Variants in LPP observed in about 807,000 individuals in gnomAD.
LPP encodes LIM domain containing preferred translocation partner in lipoma.
In LPP, 38 loss-of-function variants were observed where a neutral mutation model predicts 60.4. The observed-to-expected ratio is 0.63, with a 90% confidence interval of 0.49 to 0.83. The LOEUF (loss-of-function observed/expected upper bound fraction) is 0.83. Ranked by LOEUF, LPP falls within the 40% of genes least tolerant of loss-of-function variation. The pLI is 0.00. For missense variants in LPP, 902 were observed against 783.6 expected, an observed-to-expected ratio of 1.15 and a Z score of -1.80; for synonymous variants, 328 against 290.8, an observed-to-expected ratio of 1.13 and a Z score of -1.30.
chr3:188,842,120 C>T (rs926578096), intron 9 of LPP, among the ~76,000 whole-genome samples: 2 of 152,130 alleles, frequency 1.3e-5, no homozygotes, highest in African/African-American at 4.8e-5. Context: ...TTTACATTCC[C>T]ACCACCAGTG....
At chr3:188,832,463 T>C (rs1337596342) in intron 9 of LPP, among the ~76,000 whole-genome samples, 2 of 152,168 alleles carry the variant, frequency 1.3e-5, no homozygotes, top group East Asian at 3.9e-4. Context: ...AGCTGACACT[T>C]TGATTGCAGC....
At chr3:188,318,667 C>T (rs1006992302) in intron 2 of LPP, among the ~76,000 whole-genome samples, 3 of 150,034 alleles carry the variant, frequency 2.0e-5, no homozygotes, top group African/African-American at 4.9e-5. Context: ...TTATTCTTTT[C>T]GACTTTGGTT....
chr3:188,874,557 A>G lies in LPP; in HGVS notation c.*78A>G. 2.0e-6 allele frequency: 3 copies of G among 1,489,318 alleles called. No homozygotes were observed. Among genetic ancestry groups the G allele is most frequent in the East Asian group, 2.3e-5 (1 of 43,802 alleles). The allele number at this position is 1,489,318 out of a possible 1,614,324, so 92.3% of individuals were successfully genotyped here. A position where few individuals can be genotyped will look rare whatever the true frequency, so the allele number is the denominator to read the frequency against. On this transcript the variant is annotated 3_prime_UTR_variant, in exon 12 of 12. Coordinates refer to ENST00000617246, the MANE Select transcript of LPP (RefSeq NM_001375462.1). ...AAGAAATACTAGAGTAAAGGCCATCAAACTACGCGATAGTCTCTGTTCTTC... is the reference window on the plus strand; with the variant it reads ...AAGAAATACTAGAGTAAAGGCCATCGAACTACGCGATAGTCTCTGTTCTTC...
In LPP at chr3:188,758,616, AC is replaced by A. The variant is rs1560165629; in HGVS notation, c.1241-1496del. 3 of 152,270 alleles carry A rather than the reference AC, an allele frequency of 2.0e-5. No homozygotes were observed. In the East Asian group the frequency reaches 5.8e-4, roughly 29 times the overall value. 9.4% of individuals were successfully genotyped at this position (152,270 alleles called of 1,614,324 possible). ...AAATAAATTTACCTTTTTTTCTCTC[AC>A]GTTGAAACATCTAGCCCTCCCATGT... On this transcript the variant is annotated intron_variant, in intron 8 of 11. Coordinates refer to ENST00000617246, the MANE Select transcript of LPP (RefSeq NM_001375462.1).
intron 3 of LPP, among the ~76,000 whole-genome samples, chr3:188,385,394 C>T (rs939722182): frequency 1.3e-5 from 2 of 151,980 alleles, no homozygotes; most frequent in African/African-American, 4.8e-5. Flanking sequence ...CGTGACAGAG[C>T]TGAGAGGGGA....
rs531849294 is a variant in LPP, at chr3:188,766,562, A to T, written c.1410+6280A>T. Reference sequence around the variant, plus strand: ...AAGAAACTGAATCTTAGAAAGTGTCAGCTTGCTTAGTTCCATAGAGTATGA... The same window carrying T: ...AAGAAACTGAATCTTAGAAAGTGTCTGCTTGCTTAGTTCCATAGAGTATGA... On this transcript the variant is annotated intron_variant, in intron 9 of 11. Transcript: ENST00000617246. Among the ~76,000 whole-genome samples, 46 of 152,246 alleles carry T rather than the reference A, an allele frequency of 3.0e-4. No individual in the cohort carries two copies. In the South Asian group the frequency reaches 9.3e-3, roughly 31 times the overall value.
At position 188,313,291 on chromosome 3, in the gene LPP, A is replaced by G. The variant is rs944535019; in HGVS notation, c.-66-28372A>G. Among the ~76,000 whole-genome samples, 7 of 152,222 alleles carry G rather than the reference A, an allele frequency of 4.6e-5. No homozygotes were observed. In the South Asian group the frequency reaches 6.2e-4, roughly 14 times the overall value. ...CCATTCCTATTAGTTTCTCTTTTTC[A>G]GAAAATTTCTGGCTTTTAATGCCTG... On this transcript the variant is annotated intron_variant, in intron 2 of 11. Transcript: ENST00000617246.
At chr3:188,304,749 T>C (rs1165679007) in intron 2 of LPP, among the ~76,000 whole-genome samples, 2 of 152,212 alleles carry the variant, frequency 1.3e-5, no homozygotes, top group Admixed American at 1.3e-4. Flanking sequence ...CAAGTTCCTT[T>C]GCAGTTATAT....
In LPP at chr3:188,441,651, C is replaced by T. The variant is rs201430217; in HGVS notation, c.193+35338C>T. The stretch of plus-strand genomic sequence containing the variant: ...TTTTTTTTTTTTTGAGATGGAGTCT[C>T]GCTCTGTCGCCCAGGCTGGAGTGCA... On this transcript the variant is annotated intron_variant, in intron 4 of 11. Coordinates refer to ENST00000617246, the MANE Select transcript of LPP (RefSeq NM_001375462.1). Among the ~76,000 whole-genome samples, 10 of 65,784 alleles carry T rather than the reference C, an allele frequency of 1.5e-4. No individual in the cohort carries two copies. The East Asian group carries it at 2.3e-3, about 15-fold the overall frequency. 43.2% of individuals were successfully genotyped at this position (65,784 alleles called of 152,430 possible). A position where few individuals can be genotyped will look rare whatever the true frequency, so the allele number is the denominator to read the frequency against.
intron 9 of LPP, among the ~76,000 whole-genome samples, chr3:188,771,030 T>A (rs937025571): frequency 6.6e-6 from 1 of 152,230 alleles, no homozygotes; most frequent in African/African-American, 2.4e-5. Flanking sequence ...TTTGCCCAGA[T>A]GGATCTGCAT....
intron 8 of LPP, among the ~76,000 whole-genome samples, chr3:188,754,771 A>G (rs774488738): frequency 4.6e-5 from 7 of 152,158 alleles, no homozygotes; most frequent in Non-Finnish European, 1.0e-4. Context: ...ACATGCATCA[A>G]TACTACAGAG....
At chr3:188,177,848 A>C (rs868195370) in intron 1 of LPP, among the ~76,000 whole-genome samples, 11 of 152,326 alleles carry the variant, frequency 7.2e-5, no homozygotes, top group Middle Eastern at 6.8e-3. Context: ...CTGGGAGGTC[A>C]TCCTGGGGGC....
chr3:188,677,396 G>T (rs1008562234), intron 7 of LPP, among the ~76,000 whole-genome samples: 1 of 152,020 alleles, frequency 6.6e-6, no homozygotes, highest in Admixed American at 6.6e-5. Flanking sequence ...TTTAATATTT[G>T]ATTTATCTGT....
intron 1 of LPP, among the ~76,000 whole-genome samples, chr3:188,218,634 A>T (rs1331889770): frequency 6.6e-6 from 1 of 152,106 alleles, no homozygotes; most frequent in Non-Finnish European, 1.5e-5. Context: ...CTTTTATATT[A>T]CCTATTCATT....
At chr3:188,837,028 T>A (rs1018274413) in intron 9 of LPP, among the ~76,000 whole-genome samples, 2 of 152,182 alleles carry the variant, frequency 1.3e-5, no homozygotes, top group Non-Finnish European at 1.5e-5. Flanking sequence ...ATTCACAATG[T>A]TGTTTTTCAT....
At chr3:188,507,398 A>G (rs1457375029) in intron 5 of LPP, among the ~76,000 whole-genome samples, 1 of 152,152 alleles carries the variant, frequency 6.6e-6, no homozygotes, top group Non-Finnish European at 1.5e-5. Context: ...TGGAAAGTAC[A>G]GCCTCTGTTC....
At chr3:188,313,337 A>C (rs754255642) in intron 2 of LPP, among the ~76,000 whole-genome samples, 27 of 147,266 alleles carry the variant, frequency 1.8e-4, no homozygotes, top group Non-Finnish European at 3.0e-4. Flanking sequence ...ATTGACCTTT[A>C]TAATGAACCT....
At chr3:188,817,074 C>T (rs1321498816) in intron 9 of LPP, among the ~76,000 whole-genome samples, 2 of 152,116 alleles carry the variant, frequency 1.3e-5, no homozygotes, top group African/African-American at 4.8e-5. Context: ...AAATTTGGCT[C>T]CTTGAAAAGG....
At chr3:188,298,599 G>T (rs1217449890) in intron 2 of LPP, among the ~76,000 whole-genome samples, 3 of 152,054 alleles carry the variant, frequency 2.0e-5, no homozygotes, top group African/African-American at 7.3e-5. Flanking sequence ...AACTTTACGG[G>T]TATCAATTTA....
Sources: gnomAD v4.1 joint callset for allele counts (sites outside exome capture counted in the v4.1 genomes callset) on GRCh38, gnomAD v4.1.1 for gene constraint, MANE v1.5 for transcripts, NCBI Gene and HGNC (gene_info 2026-07-23, HGNC 2026-07-21) for gene names.